SDCCAG8: variants seen among roughly 807,000 people sequenced by gnomAD.
The protein encoded by SDCCAG8 is serologically defined colon cancer antigen 8.
SDCCAG8 carries 74 observed loss-of-function variants against 101.8 expected under a neutral mutation model. The ratio of observed to expected loss-of-function variants is 0.73; its 90% CI spans 0.60 to 0.88. The LOEUF is 0.88. Ranked by LOEUF, SDCCAG8 falls within the 40% of genes least tolerant of loss-of-function variation. SDCCAG8 has a pLI of 0.00. For synonymous variants in SDCCAG8, 281 were observed against 292.9 expected (o/e 0.96, Z 0.41); for missense variants, 787 against 822.6 (o/e 0.96, Z 0.53).
chr1:243,387,391 C>A (rs1573735791), intron 13 of SDCCAG8, among the ~76,000 whole-genome samples: 1 of 152,082 alleles, frequency 6.6e-6, no homozygotes, highest in South Asian at 2.1e-4. Flanking sequence ...CTTAAAAATT[C>A]TTATTTCTCC....
At chr1:243,260,140 C>G (rs939995771) in intron 1 of SDCCAG8, among the ~76,000 whole-genome samples, 1 of 152,170 alleles carries the variant, frequency 6.6e-6, no homozygotes, top group South Asian at 2.1e-4. Flanking sequence ...TTCTTCAAAA[C>G]GAGAGTTCTG....
At chr1:243,415,608 A>G in intron 13 of SDCCAG8, 94 bp from the exon 14 acceptor site, 1 of 1,548,378 alleles carries the variant, frequency 6.5e-7, no homozygotes, top group South Asian at 1.1e-5. Context: ...TTAACAATTT[A>G]CTACGTATCA....
intron 16 of SDCCAG8, among the ~76,000 whole-genome samples, chr1:243,481,376 T>C (rs1663719621): frequency 6.6e-6 from 1 of 152,126 alleles, no homozygotes; most frequent in African/African-American, 2.4e-5. Context: ...TGTGTGCGCT[T>C]GGGCAAATGA....
intron 16 of SDCCAG8, among the ~76,000 whole-genome samples, chr1:243,459,418 A>G (rs1658565673): frequency 6.6e-6 from 1 of 152,116 alleles, no homozygotes; most frequent in Non-Finnish European, 1.5e-5. Context: ...GGGCTTTTCA[A>G]GACTCAATAA....
chr1:243,441,475 C>T (rs904735797), intron 16 of SDCCAG8, among the ~76,000 whole-genome samples: 1 of 150,710 alleles, frequency 6.6e-6, no homozygotes, highest in Non-Finnish European at 1.5e-5. Context: ...CTAGAATACT[C>T]TCTTCATTTC....
At chr1:243,420,842 C>A (rs946711420) in intron 15 of SDCCAG8, among the ~76,000 whole-genome samples, 1 of 152,136 alleles carries the variant, frequency 6.6e-6, no homozygotes, top group African/African-American at 2.4e-5. Context: ...GTTTTACATT[C>A]CATTTTGATG....
rs1659430466 is a variant in SDCCAG8 at position 243,462,959 on chromosome 1, G to A, written c.1986-26055G>A. Among the ~76,000 whole-genome samples the A allele has an allele frequency of 2.6e-5, 4 of 152,172 alleles. No individual in the cohort carries two copies. The South Asian group carries it at 8.3e-4, about 32-fold the overall frequency. On this transcript the variant is annotated intron_variant, in intron 16 of 17. Transcript: ENST00000366541. ...CTCTGCTTCCACCAAAGGTGGAAAT[G>A]GTTTTGTCAGTGGTTCTCTGAAAGC...
chr1:243,330,418 A>T lies in SDCCAG8; in HGVS notation c.1069-122A>T, dbSNP rs868696665. The T allele has an allele frequency of 3.6e-5, 33 of 916,008 alleles. 1 individual carries two copies. The Middle Eastern group carries it at 2.4e-3, about 66-fold the overall frequency. The allele number at this position is 916,008 out of a possible 1,614,324, so 56.7% of individuals were successfully genotyped here. A position where few individuals can be genotyped will look rare whatever the true frequency, so the allele number is the denominator to read the frequency against. On this transcript the variant is annotated intron_variant, in intron 9 of 17. Transcript: ENST00000366541. ...TGGTATTGATAAACAATAAAAAATT[A>T]TTCTAATGGGCTTTATAGTGAGTTT...
At chr1:243,492,927 G>A (rs949933048) in intron 17 of SDCCAG8, among the ~76,000 whole-genome samples, 1 of 152,036 alleles carries the variant, frequency 6.6e-6, no homozygotes, top group Admixed American at 6.6e-5. Context: ...TTAGTTTAGG[G>A]TGACTACAAA....
chr1:243,418,938 A>G (rs2080795581), intron 15 of SDCCAG8, among the ~76,000 whole-genome samples: 1 of 152,160 alleles, frequency 6.6e-6, no homozygotes, highest in Admixed American at 6.6e-5. Context: ...CATTTTTCTG[A>G]AACTCACATA....
chr1:243,379,380 A>T (rs1204801576), intron 13 of SDCCAG8, among the ~76,000 whole-genome samples: 1 of 152,224 alleles, frequency 6.6e-6, no homozygotes, highest in Non-Finnish European at 1.5e-5. Context: ...TCATTATTAT[A>T]ACCAGGCTTA....
At chr1:243,469,830 GTT>G (rs746906257) in intron 16 of SDCCAG8, among the ~76,000 whole-genome samples, 17 of 123,508 alleles carry the variant, frequency 1.4e-4, no homozygotes, top group Admixed American at 3.2e-4. Flanking sequence ...GAAAGTGTTG[GTT>G]TTTTTTTTTT....
chr1:243,450,133 C>T (rs1352488108), intron 16 of SDCCAG8, among the ~76,000 whole-genome samples: 1 of 152,156 alleles, frequency 6.6e-6, no homozygotes, highest in East Asian at 1.9e-4. Flanking sequence ...GTATTCATGG[C>T]CTTCGATGTC....
intron 16 of SDCCAG8, among the ~76,000 whole-genome samples, chr1:243,451,014 A>T (rs894173512): frequency 1.3e-5 from 2 of 152,252 alleles, no homozygotes; most frequent in East Asian, 3.8e-4. Flanking sequence ...TATTGATATG[A>T]CAAAATGTTC....
chr1:243,495,854 CA>C (rs1166154810), intron 17 of SDCCAG8, among the ~76,000 whole-genome samples: 3 of 152,254 alleles, frequency 2.0e-5, no homozygotes, highest in Middle Eastern at 3.4e-3. Flanking sequence ...CCGTAGATAT[CA>C]AACTGGCTGC....
intron 13 of SDCCAG8, among the ~76,000 whole-genome samples, chr1:243,390,365 C>G (rs1168325775): frequency 6.6e-6 from 1 of 152,164 alleles, no homozygotes; most frequent in Non-Finnish European, 1.5e-5. Context: ...CTTCCCCCAC[C>G]CAGTATCAGA....
chr1:243,367,021 C>T (rs1478899440), intron 12 of SDCCAG8, among the ~76,000 whole-genome samples: 1 of 151,932 alleles, frequency 6.6e-6, no homozygotes, highest in African/African-American at 2.4e-5. Context: ...CTTTCCTAAA[C>T]TGGAATTATT....
intron 12 of SDCCAG8, among the ~76,000 whole-genome samples, chr1:243,355,110 A>C (rs1282058407): frequency 1.3e-5 from 2 of 152,224 alleles, no homozygotes; most frequent in African/African-American, 4.8e-5. Context: ...ACAGATGGTC[A>C]AGTTAATTTA....
At chr1:243,427,029 T>G (rs2081386327) in intron 16 of SDCCAG8, among the ~76,000 whole-genome samples, 1 of 152,252 alleles carries the variant, frequency 6.6e-6, no homozygotes, top group South Asian at 2.1e-4. Flanking sequence ...TCTGGTGGTG[T>G]TACTTTGAGC....
Sources: allele counts gnomAD v4.1 joint callset (sites outside exome capture counted in the v4.1 genomes callset), GRCh38; gene constraint gnomAD v4.1.1; transcripts MANE v1.5; gene names NCBI Gene and HGNC (gene_info 2026-07-23, HGNC 2026-07-21).